The following TXN variants were observed in gnomAD, a reference collection of about 807,000 sequenced individuals.
The protein encoded by TXN is thioredoxin.
Under a neutral mutation model 16.5 loss-of-function variants are expected in TXN, and 10 were observed. That is an observed-to-expected ratio of 0.61 (90% CI 0.37 to 1.03). The LOEUF (loss-of-function observed/expected upper bound fraction) is 1.03. TXN is among the 50% of genes least tolerant of loss of function. The probability of loss-of-function intolerance (pLI) is 0.01; values close to 1 mark genes in which losing one functional copy is unlikely to be tolerated. For missense variants in TXN, 71 were observed against 122.5 expected (o/e 0.58, Z 1.98); for synonymous variants, 35 against 39.4 (o/e 0.89, Z 0.42).
Position 110,253,051 on chromosome 9 carries a change from G to A in TXN, c.25-1589C>T, listed in dbSNP as rs570216363. ...CAAGGAAACAATGCTGGTCAAATAG[G>A]TTTAAAAAAAAATGAACATTCCCCG... On this transcript the variant is annotated intron_variant, in intron 1 of 4. Transcript: ENST00000374517. 1.4e-3 allele frequency among the ~76,000 whole-genome samples: 207 copies of A among 151,476 alleles called. 1 individual carries two copies. Among genetic ancestry groups the A allele is most frequent in the African/African-American group, 4.7e-3 (193 of 41,230 alleles).
At chr9:110,244,299 T>TTATATATATACATATG in intron 4 of TXN, 80 bp from the exon 5 acceptor site, 1 of 366,998 alleles carries the variant, frequency 2.7e-6, no homozygotes, top group Non-Finnish European at 4.5e-6. Flanking sequence ...AAATATGTAT[T>TTATATATATACATATG]TATATATATA....
chr9:110,256,475 T>A lies in TXN; in HGVS notation c.-40A>T. ...TCTGACGAGCGGCTGTAAGGACCGA[T>A]GGAAATGGATCCAAAGCACCAAACA... On this transcript the variant is annotated 5_prime_UTR_variant, in exon 1 of 5. Coordinates refer to ENST00000374517, the MANE Select transcript of TXN (RefSeq NM_003329.4). This position sits in a 1 kb window ranked among gnomAD's most constrained non-coding sequence, Gnocchi z 4.2. 1.9e-6 allele frequency: 3 copies of A among 1,594,494 alleles called. No individual in the cohort carries two copies. In the Admixed American group the frequency reaches 5.2e-5, roughly 28 times the overall value.
rs1554695822 is a variant in TXN, at chr9:110,252,223, C to CAAAAAAGAAAAAAA, written c.25-762_25-761insTTTTTTTCTTTTTT. Among the ~76,000 whole-genome samples the CAAAAAAGAAAAAAA allele has an allele frequency of 2.3e-3, 134 of 58,336 alleles. 5 individuals carry two copies. Among genetic ancestry groups the CAAAAAAGAAAAAAA allele is most frequent in the South Asian group, 5.6e-3 (8 of 1,416 alleles). The allele number at this position is 58,336 out of a possible 152,430, so 38.3% of individuals were successfully genotyped here. A position where few individuals can be genotyped will look rare whatever the true frequency, so the allele number is the denominator to read the frequency against. On this transcript the variant is annotated intron_variant, in intron 1 of 4. Coordinates refer to ENST00000374517, the MANE Select transcript of TXN (RefSeq NM_003329.4). Reference sequence around the variant, plus strand: ...TGGGCAATAGACGGAGACTCTGTCGCAAAAAAAAAAAAAAAAAAAAAAGCT... The same window carrying CAAAAAAGAAAAAAA: ...TGGGCAATAGACGGAGACTCTGTCGCAAAAAAGAAAAAAAAAAAAAAAAAAAAAAAAAAAAAGCT...
intron 3 of TXN, 184 bp from the exon 4 acceptor site, chr9:110,245,027 T>G: frequency 2.4e-6 from 1 of 423,820 alleles, no homozygotes; most frequent in Non-Finnish European, 4.3e-6. Flanking sequence ...GCCAAACCGG[T>G]TATATTCTCA....
rs1170799042 is a variant in TXN, at chr9:110,256,317, C to T, written c.24+95G>A. 7.5e-7 allele frequency: 1 copy of T among 1,325,534 alleles called. No individual in the cohort carries two copies. The highest frequency in any genetic ancestry group is 1.0e-6 in the Non-Finnish European group (1 of 955,576). The allele number at this position is 1,325,534 out of a possible 1,614,324, so 82.1% of individuals were successfully genotyped here. A position where few individuals can be genotyped will look rare whatever the true frequency, so the allele number is the denominator to read the frequency against. Reference sequence around the variant, plus strand: ...ATGCGGAGGGGCGGCCTCCGCACCTCCCGCCACCGCCTTCCCCACCTCCCG... The same window carrying T: ...ATGCGGAGGGGCGGCCTCCGCACCTTCCGCCACCGCCTTCCCCACCTCCCG... On this transcript the variant is annotated intron_variant, in intron 1 of 4. Transcript: ENST00000374517. The surrounding 1 kb of genome is among the most constrained non-coding windows in gnomAD (Gnocchi z 4.2).
At chr9:110,248,521 T>C (rs1837685478) in intron 3 of TXN, among the ~76,000 whole-genome samples, 1 of 152,204 alleles carries the variant, frequency 6.6e-6, no homozygotes, top group Non-Finnish European at 1.5e-5. Flanking sequence ...CAGGAGGCTA[T>C]GCCATCTAGG....
At chr9:110,244,976 C>A in intron 3 of TXN, 133 bp from the exon 4 acceptor site, 1 of 584,752 alleles carries the variant, frequency 1.7e-6, no homozygotes, top group South Asian at 2.2e-5. Flanking sequence ...CATTTTTCAG[C>A]ATATGAAAAT....
chr9:110,256,490 A>G lies in TXN; in HGVS notation c.-55T>C. 1 of 1,564,480 alleles carries G rather than the reference A, an allele frequency of 6.4e-7. No individual in the cohort carries two copies. Among genetic ancestry groups the G allele is most frequent in the Non-Finnish European group, 8.7e-7 (1 of 1,148,368 alleles). ...TAAGGACCGATGGAAATGGATCCAA[A>G]GCACCAAACAGAGCTTCAAGACTCG... On this transcript the variant is annotated 5_prime_UTR_variant, in exon 1 of 5. Transcript: ENST00000374517. This position sits in a 1 kb window ranked among gnomAD's most constrained non-coding sequence, Gnocchi z 4.2.
At position 110,256,497 on chromosome 9, in the gene TXN, A is replaced by G; in HGVS notation, c.-62T>C. The stretch of plus-strand genomic sequence containing the variant: ...CGATGGAAATGGATCCAAAGCACCA[A>G]ACAGAGCTTCAAGACTCGCTGCTTG... On this transcript the variant is annotated 5_prime_UTR_variant, in exon 1 of 5. Transcript: ENST00000374517. The surrounding 1 kb of genome is among the most constrained non-coding windows in gnomAD (Gnocchi z 4.2). The G allele has an allele frequency of 1.3e-6, 2 of 1,555,040 alleles. No individual in the cohort carries two copies. The highest frequency in any genetic ancestry group is 1.2e-5 in the South Asian group (1 of 86,324).
In TXN at chr9:110,249,865, T is replaced by C. The variant is rs923475138; in HGVS notation, c.189+955A>G. On this transcript the variant is annotated intron_variant, in intron 3 of 4. Coordinates refer to ENST00000374517, the MANE Select transcript of TXN (RefSeq NM_003329.4). The stretch of plus-strand genomic sequence containing the variant: ...AAGAGGAGTGACTGGCCTAAGCAGA[T>C]GCTAGTGAGCCAGGACTGGAAGCCA... Among the ~76,000 whole-genome samples, 69 of 152,316 alleles carry C rather than the reference T, an allele frequency of 4.5e-4. 1 individual carries two copies. In the South Asian group the frequency reaches 7.3e-3, roughly 16 times the overall value.
Position 110,251,409 on chromosome 9 carries a change from G to A in TXN, c.78C>T (p.Asp26=). ...AAGGCCCACACCACGTGGCTGAGAA[G>A]TCAACTACTACAAGTTTATCACCTG... ...DAAGDKLVVV[D]FSATWCGPCK... The change falls in exon 2 of 5, where the codon GAC becomes GAT. Residue 26 remains aspartate (D), a synonymous_variant. Transcript: ENST00000374517. 1 of 1,612,120 alleles carries A rather than the reference G, an allele frequency of 6.2e-7. No homozygotes were observed. Among genetic ancestry groups the A allele is most frequent in the East Asian group, 2.2e-5 (1 of 44,868 alleles).
intron 1 of TXN, among the ~76,000 whole-genome samples, chr9:110,251,695 T>C (rs1435767166): frequency 2.0e-5 from 3 of 149,552 alleles, no homozygotes; most frequent in African/African-American, 7.4e-5. Flanking sequence ...TGAAACAAGA[T>C]ATGTGTAGAG....
At chr9:110,245,255 CTT>C (rs1564367183) in intron 3 of TXN, 1 of 154,734 alleles carries the variant, frequency 6.5e-6, no homozygotes, top group Non-Finnish European at 1.4e-5. Flanking sequence ...ACTAGTACCT[CTT>C]ATTTCTTGCT....
chr9:110,254,352 C>T (rs1211582029), intron 1 of TXN, among the ~76,000 whole-genome samples: 2 of 152,204 alleles, frequency 1.3e-5, no homozygotes, highest in Non-Finnish European at 2.9e-5. Context: ...GAAACCCCAT[C>T]TCTACTAAAA....
chr9:110,253,879 C>T lies in TXN; in HGVS notation c.25-2417G>A, dbSNP rs118003617. ...TTAATAAATGTCTCCATCACTGACA[C>T]CAATAATCTGGGGGAAGCAGAACAG... On this transcript the variant is annotated intron_variant, in intron 1 of 4. Coordinates refer to ENST00000374517, the MANE Select transcript of TXN (RefSeq NM_003329.4). Among the ~76,000 whole-genome samples, 169 of 151,802 alleles carry T rather than the reference C, an allele frequency of 1.1e-3. 7 individuals are homozygous for T. In the East Asian group the frequency reaches 0.03, roughly 27 times the overall value.
At chr9:110,248,997 G>A (rs978010602) in intron 3 of TXN, among the ~76,000 whole-genome samples, 2 of 151,522 alleles carry the variant, frequency 1.3e-5, no homozygotes, top group African/African-American at 4.9e-5. Flanking sequence ...GCATGGTGGT[G>A]CATGCCTGTA....
In TXN at chr9:110,249,553, G is replaced by A. The variant is rs117986193; in HGVS notation, c.189+1267C>T. Among the ~76,000 whole-genome samples the A allele has an allele frequency of 1.0e-3, 157 of 152,210 alleles. 1 individual carries two copies. The East Asian group carries it at 0.021, about 20-fold the overall frequency. ...ACTGGGTACTTAGGGCACACAAGGC[G>A]GTAAGTGGAGAAGGGGTGAAGCTCA... is the stretch of plus-strand genomic sequence containing the variant. On this transcript the variant is annotated intron_variant, in intron 3 of 4. Coordinates refer to ENST00000374517, the MANE Select transcript of TXN (RefSeq NM_003329.4).
chr9:110,253,920 T>C (rs1837773293), intron 1 of TXN, among the ~76,000 whole-genome samples: 1 of 152,088 alleles, frequency 6.6e-6, no homozygotes, highest in Non-Finnish European at 1.5e-5. Context: ...TTGGGGTAAA[T>C]AGGAGCAAGA....
At chr9:110,251,588 A>C in intron 1 of TXN, 126 bp from the exon 2 acceptor site, 2 of 228,060 alleles carry the variant, frequency 8.8e-6, no homozygotes, top group Non-Finnish European at 1.6e-5. Context: ...TTTTTAGCCA[A>C]AAAAAAAAAA....
Sources: gnomAD v4.1 joint callset for allele counts (sites outside exome capture counted in the v4.1 genomes callset) on GRCh38, gnomAD v4.1.1 for gene constraint, Gnocchi (gnomAD v3.1) non-coding constraint, MANE v1.5 for transcripts, NCBI Gene and HGNC (gene_info 2026-07-23, HGNC 2026-07-21) for gene names.